DGKZ: variants seen among roughly 807,000 people sequenced by gnomAD.
The protein encoded by DGKZ is diacylglycerol kinase zeta.
DGKZ carries 45 observed loss-of-function variants against 142.5 expected under a neutral mutation model. The observed-to-expected ratio is 0.32, with a 90% CI of 0.25 to 0.40. The LOEUF (loss-of-function observed/expected upper bound fraction) is 0.40, where lower values mean the gene tolerates loss of function less well. Among genes scored for constraint, DGKZ ranks in the 10% least tolerant of loss-of-function variants. DGKZ has a pLI of 1.00. For synonymous variants in DGKZ, 442 were observed against 527.0 expected, an observed-to-expected ratio of 0.84 and a Z score of 2.21; for missense variants, 755 against 1,306.5, an observed-to-expected ratio of 0.58 and a Z score of 6.51.
Position 46,378,360 on chromosome 11 carries a change from T to C in DGKZ, c.2375-97T>C. 4.5e-6 allele frequency: 7 copies of C among 1,543,672 alleles called. No homozygotes were observed. In the South Asian group the frequency reaches 7.5e-5, roughly 16 times the overall value. On this transcript the variant is annotated intron_variant, in intron 26 of 30. Transcript: ENST00000527911. ...TGAGCTTCACGCACCAACGGAGCCC[T>C]GGGCACACATGCCTGGCCGGCACAG...
chr11:46,345,537 AC>A, upstream of DGKZ: 1 of 1,525,314 alleles, frequency 6.6e-7, no homozygotes, highest in South Asian at 1.2e-5. This position sits in a 1 kb window ranked among gnomAD's most constrained non-coding sequence, Gnocchi z 4.1. Flanking sequence ...ATGTGGCGCT[AC>A]CGCTCCTGGG....
At chr11:46,348,598 T>G (rs1422322780) in intron 1 of DGKZ, among the ~76,000 whole-genome samples, 1 of 152,134 alleles carries the variant, frequency 6.6e-6, no homozygotes, top group Non-Finnish European at 1.5e-5. Flanking sequence ...CCCCCAGCAC[T>G]CCAAATGTCA....
In DGKZ at chr11:46,374,923, C is replaced by T. The variant is rs755746035; in HGVS notation, c.1599-11C>T. ...GTGTTTTGAGGCCCATGTCATCGCC[C>T]GCCTTTGCAGGTACTGTGCGGGCAC... is the stretch of plus-strand genomic sequence containing the variant. On this transcript the variant is annotated splice_polypyrimidine_tract_variant and intron_variant, in intron 18 of 30. Transcript: ENST00000527911. 2.0e-5 allele frequency: 31 copies of T among 1,583,024 alleles called. No individual in the cohort carries two copies. The East Asian group carries it at 2.5e-4, about 13-fold the overall frequency.
intron 1 of DGKZ, among the ~76,000 whole-genome samples, chr11:46,334,004 C>T (rs1939890388): frequency 6.6e-6 from 1 of 152,188 alleles, no homozygotes; most frequent in South Asian, 2.1e-4. Context: ...CAGGCCCTGG[C>T]TGGCAACCTC....
At chr11:46,365,775 C>T (rs948261739) in intron 1 of DGKZ, 2 of 985,320 alleles carry the variant, frequency 2.0e-6, no homozygotes, top group African/African-American at 3.5e-5. Flanking sequence ...AACAAAGGCC[C>T]AGCAAGTGGG....
intron 1 of DGKZ, among the ~76,000 whole-genome samples, chr11:46,350,855 CTTTT>C (rs34476722): frequency 2.8e-5 from 4 of 141,318 alleles, no homozygotes; most frequent in African/African-American, 5.3e-5. Flanking sequence ...TGCCATCTCC[CTTTT>C]TTTTTTTTTT....
chr11:46,371,859 A>G (rs766113333), intron 9 of DGKZ, 84 bp downstream of exon 9: 8 of 1,483,460 alleles, frequency 5.4e-6, no homozygotes, highest in Non-Finnish European at 7.4e-6. Context: ...ACCCCCAGCT[A>G]ATGCTGCCAG....
At chr11:46,337,085 A>G (rs941888589) in intron 1 of DGKZ, among the ~76,000 whole-genome samples, 1 of 151,994 alleles carries the variant, frequency 6.6e-6, no homozygotes, top group African/African-American at 2.4e-5. Flanking sequence ...GGGAAAGGAA[A>G]AGTCACTCTC....
exon 1 of DGKZ, chr11:46,333,157 C>A (rs899060776): frequency 1.1e-6 from 1 of 905,022 alleles, no homozygotes; most frequent in East Asian, 3.6e-5. Flanking sequence ...TAGGGACCTG[C>A]GGAACCCGGC....
chr11:46,341,075 G>A (rs984467745), intron 1 of DGKZ, among the ~76,000 whole-genome samples: 2 of 152,208 alleles, frequency 1.3e-5, no homozygotes, highest in African/African-American at 4.8e-5. Context: ...TTGAACCTGA[G>A]AGGCGGAGGT....
intron 27 of DGKZ, 188 bp downstream of exon 27, chr11:46,378,688 G>T: frequency 2.2e-6 from 2 of 904,258 alleles, no homozygotes; most frequent in Non-Finnish European, 3.5e-6. Context: ...ACAATAGATG[G>T]CTCCTAGTAG....
At chr11:46,375,406 C>T in intron 19 of DGKZ, 26 bp from the exon 20 acceptor site, 1 of 1,551,524 alleles carries the variant, frequency 6.4e-7, no homozygotes, top group Non-Finnish European at 8.7e-7. Flanking sequence ...CTGGTGCCAT[C>T]TGACCCAAGC....
At chr11:46,341,825 G>A (rs974881320) in intron 1 of DGKZ, among the ~76,000 whole-genome samples, 4 of 152,186 alleles carry the variant, frequency 2.6e-5, no homozygotes, top group South Asian at 2.1e-4. Flanking sequence ...GGGGGAGGAG[G>A]GGAGGTTCAT....
chr11:46,372,356 C>T lies in DGKZ; in HGVS notation c.928-72C>T, dbSNP rs1944040759. ...ATTGGCCCTGGTTCCCACAGTCACA[C>T]CCCTCTCCCTCTGCTGCTCCCACTT... On this transcript the variant is annotated intron_variant, in intron 10 of 30. Transcript: ENST00000527911. The surrounding 1 kb of genome is among the most constrained non-coding windows in gnomAD (Gnocchi z 5.9). The T allele has an allele frequency of 2.0e-6, 3 of 1,534,790 alleles. No individual in the cohort carries two copies. The highest frequency in any genetic ancestry group is 1.8e-6 in the Non-Finnish European group (2 of 1,110,644).
rs1257379954 is a variant in DGKZ, at chr11:46,369,922, T to G, written c.502-19T>G. 1 of 1,613,788 alleles carries G rather than the reference T, an allele frequency of 6.2e-7. No individual in the cohort carries two copies. The highest frequency in any genetic ancestry group is 1.1e-5 in the South Asian group (1 of 91,074). On this transcript the variant is annotated intron_variant, in intron 5 of 30. Transcript: ENST00000527911. ...CTGCCCACCCCTCACCCAGTGAAAT[T>G]TTTCCCCTTCTCCCCCAGCCAACCT...
chr11:46,366,687 C>G (rs142912996), intron 1 of DGKZ: 2 of 1,574,326 alleles, frequency 1.3e-6, no homozygotes, highest in South Asian at 2.3e-5. Context: ...CCAGGGCCAC[C>G]CCCACCTCGG....
intron 20 of DGKZ, 60 bp downstream of exon 20, chr11:46,375,691 C>T: frequency 6.6e-7 from 1 of 1,515,746 alleles, no homozygotes; most frequent in Non-Finnish European, 8.9e-7. Context: ...CTCTCTGGGC[C>T]TTGATTTCCC....
intron 1 of DGKZ, among the ~76,000 whole-genome samples, chr11:46,355,272 C>A (rs1405130813): frequency 6.6e-6 from 1 of 152,046 alleles, no homozygotes; most frequent in Non-Finnish European, 1.5e-5. Flanking sequence ...CCACGCCCGG[C>A]TAATTTTTTG....
chr11:46,340,472 G>A (rs919721565), intron 1 of DGKZ, among the ~76,000 whole-genome samples: 1 of 152,194 alleles, frequency 6.6e-6, no homozygotes, highest in Non-Finnish European at 1.5e-5. Context: ...TCCAATCCAG[G>A]AAATTGGGAG....
Sources: allele counts gnomAD v4.1 joint callset (sites outside exome capture counted in the v4.1 genomes callset), GRCh38; gene constraint gnomAD v4.1.1; non-coding constraint Gnocchi (gnomAD v3.1); transcripts MANE v1.5; gene names NCBI Gene and HGNC (gene_info 2026-07-23, HGNC 2026-07-21).